The following SPATA6L variants were observed in gnomAD, a reference collection of about 807,000 sequenced individuals.
SPATA6L encodes the protein spermatogenesis associated 6 like, also known as spermatogenesis associated 6-like protein.
A neutral mutation model predicts 49.2 loss-of-function variants in SPATA6L; 68 were observed. The observed-to-expected ratio is 1.38, with a 90% CI of 1.14 to 1.69. The LOEUF is 1.69. Among genes scored for constraint, SPATA6L ranks in the 40% most tolerant of loss-of-function variants. SPATA6L has a pLI of 0.00. For synonymous variants in SPATA6L, 198 were observed against 165.7 expected, an observed-to-expected ratio of 1.19 and a Z score of -1.50; for missense variants, 668 against 464.3, an observed-to-expected ratio of 1.44 and a Z score of -4.03.
At position 4,635,407 on chromosome 9, in the gene SPATA6L, G is replaced by A; in HGVS notation, c.227-8C>T. Reference sequence around the variant, plus strand: ...AGGCCAACTCATCCCACACTAGAAAGAAAATAGAAAAAGCATAAATATCTG... The same window carrying A: ...AGGCCAACTCATCCCACACTAGAAAAAAAATAGAAAAAGCATAAATATCTG... On this transcript the variant is annotated splice_polypyrimidine_tract_variant and splice_region_variant and intron_variant, in intron 3 of 11. Transcript: ENST00000682582. 1.3e-6 allele frequency: 2 copies of A among 1,570,198 alleles called. No homozygotes were observed. Among genetic ancestry groups the A allele is most frequent in the Non-Finnish European group, 1.7e-6 (2 of 1,166,850 alleles).
In SPATA6L at chr9:4,662,342, C is replaced by G. The variant is rs757918538; in HGVS notation, c.40-306G>C. ...AGGGCCGGGAAGCCTCTGTTTGGTC[C>G]GGCCAGGTCCCGGGATCCGGGCCGC... On this transcript the variant is annotated intron_variant, in intron 1 of 11. Coordinates refer to ENST00000682582, the MANE Select transcript of SPATA6L (RefSeq NM_001353486.2). The surrounding 1 kb of genome is among the most constrained non-coding windows in gnomAD (Gnocchi z 4.9). 53 of 1,469,038 alleles carry G rather than the reference C, an allele frequency of 3.6e-5. No homozygotes were observed. Among genetic ancestry groups the G allele is most frequent in the Non-Finnish European group, 4.4e-5 (49 of 1,117,778 alleles). 91.0% of individuals were successfully genotyped at this position (1,469,038 alleles called of 1,614,324 possible). A position where few individuals can be genotyped will look rare whatever the true frequency, so the allele number is the denominator to read the frequency against.
chr9:4,661,040 G>A (rs1839575849), intron 2 of SPATA6L, among the ~76,000 whole-genome samples: 2 of 152,076 alleles, frequency 1.3e-5, no homozygotes, highest in Non-Finnish European at 2.9e-5. Flanking sequence ...GTGGGGTGGG[G>A]GGAATGAGTT....
At chr9:4,643,650 A>G (rs1490651706) in intron 3 of SPATA6L, among the ~76,000 whole-genome samples, 1 of 152,236 alleles carries the variant, frequency 6.6e-6, no homozygotes, top group Non-Finnish European at 1.5e-5. Context: ...CTATGGAAAT[A>G]CTATTTATAG....
At position 4,662,799 on chromosome 9, in the gene SPATA6L, C is replaced by T; in HGVS notation, c.40-763G>A. Reference sequence around the variant, plus strand: ...TATGAAGCTGCTGGAGATCTCGGGACACGGCATCCCCTGGCTGCTGGGCAC... The same window carrying T: ...TATGAAGCTGCTGGAGATCTCGGGATACGGCATCCCCTGGCTGCTGGGCAC... On this transcript the variant is annotated intron_variant, in intron 1 of 11. Transcript: ENST00000682582. The surrounding 1 kb of genome is among the most constrained non-coding windows in gnomAD (Gnocchi z 4.9). 2 of 1,605,234 alleles carry T rather than the reference C, an allele frequency of 1.2e-6. No homozygotes were observed. Among genetic ancestry groups the T allele is most frequent in the Non-Finnish European group, 1.7e-6 (2 of 1,179,940 alleles).
rs753870879 is a variant in SPATA6L at position 4,617,945 on chromosome 9, C to G, written c.973G>C (p.Asp325His). Reference sequence around the variant, plus strand: ...GACCTTTCTCTGAGAAGGGGCTGATCCAAGGGGCCAGGAGAGGTGGAATGC... The same window carrying G: ...GACCTTTCTCTGAGAAGGGGCTGATGCAAGGGGCCAGGAGAGGTGGAATGC... Reference protein sequence around the residue: ...YQHSTSPGPLDQPLLRERFHP... With the variant: ...YQHSTSPGPLHQPLLRERFHP... The change falls in exon 9 of 12, where the codon GAT becomes CAT. Residue 325 changes from aspartate (D) to histidine (H), a missense_variant. Coordinates refer to ENST00000682582, the MANE Select transcript of SPATA6L (RefSeq NM_001353486.2). 6.2e-7 allele frequency: 1 copy of G among 1,612,738 alleles called. No individual in the cohort carries two copies. The highest frequency in any genetic ancestry group is 1.7e-5 in the Admixed American group (1 of 59,900).
chr9:4,640,512 G>A (rs1833797474), intron 3 of SPATA6L, among the ~76,000 whole-genome samples: 1 of 152,038 alleles, frequency 6.6e-6, no homozygotes, highest in African/African-American at 2.4e-5. Context: ...ATTGGTCCCT[G>A]AGAACCCAAA....
intron 4 of SPATA6L, among the ~76,000 whole-genome samples, chr9:4,631,753 T>C (rs1403868462): frequency 1.3e-5 from 2 of 152,184 alleles, no homozygotes; most frequent in South Asian, 2.1e-4. Context: ...AGAAATCAGA[T>C]AGTGGGCTGA....
Position 4,662,241 on chromosome 9 carries a change from A to T in SPATA6L, c.40-205T>A. ...TCCAACTCCCTCCCACGTCTCCACC[A>T]GGTGTCACAATCGCGCTCTCGCCGG... On this transcript the variant is annotated intron_variant, in intron 1 of 11. Coordinates refer to ENST00000682582, the MANE Select transcript of SPATA6L (RefSeq NM_001353486.2). This position sits in a 1 kb window ranked among gnomAD's most constrained non-coding sequence, Gnocchi z 4.9. The T allele has an allele frequency of 7.7e-6, 11 of 1,434,082 alleles. No homozygotes were observed. The highest frequency in any genetic ancestry group is 1.0e-5 in the Non-Finnish European group (11 of 1,099,544). 88.8% of individuals were successfully genotyped at this position (1,434,082 alleles called of 1,614,324 possible).
At chr9:4,614,744 CTG>C (rs1491075859) in intron 9 of SPATA6L, among the ~76,000 whole-genome samples, 1 of 152,146 alleles carries the variant, frequency 6.6e-6, no homozygotes, top group East Asian at 1.9e-4. Context: ...CTTTCTGTGG[CTG>C]TGTTATTATT....
At chr9:4,648,466 G>A (rs966543224) in intron 3 of SPATA6L, among the ~76,000 whole-genome samples, 4 of 152,058 alleles carry the variant, frequency 2.6e-5, no homozygotes, top group African/African-American at 4.8e-5. Context: ...TTGGGAGGCC[G>A]AGGCGGGCGG....
chr9:4,596,042 A>C (rs147882702), downstream of SPATA6L, among the ~76,000 whole-genome samples: 69 of 152,300 alleles, frequency 4.5e-4, no homozygotes, highest in East Asian at 8.5e-3. Context: ...TTTCAAACTC[A>C]ACTGCTTCTG....
chr9:4,623,683 T>C (rs1286796629), intron 6 of SPATA6L, among the ~76,000 whole-genome samples: 1 of 152,202 alleles, frequency 6.6e-6, no homozygotes. Context: ...GGAAAAGCTG[T>C]ATAAGAATTT....
At chr9:4,657,770 G>C (rs900758306) in intron 2 of SPATA6L, among the ~76,000 whole-genome samples, 1 of 152,164 alleles carries the variant, frequency 6.6e-6, no homozygotes, top group African/African-American at 2.4e-5. Context: ...GGCAGTTTCT[G>C]ATAGGTAAAG....
At chr9:4,626,326 G>A in intron 5 of SPATA6L, 1 of 1,213,248 alleles carries the variant, frequency 8.2e-7, no homozygotes, top group Non-Finnish European at 1.1e-6. Context: ...GTTCAGATTT[G>A]AGTCTAGACC....
At chr9:4,595,585 T>A (rs114210914), downstream of SPATA6L, among the ~76,000 whole-genome samples, 1,159 of 152,310 alleles carry the variant, frequency 7.6e-3, 17 homozygotes, top group African/African-American at 0.027. Context: ...CTTCTCTATA[T>A]ACATATGCTT....
chr9:4,609,129 G>C (rs1664774922), intron 9 of SPATA6L, among the ~76,000 whole-genome samples: 1 of 151,440 alleles, frequency 6.6e-6, no homozygotes, highest in Non-Finnish European at 1.5e-5. Flanking sequence ...ACCAATAACA[G>C]GATCTGAAAT....
chr9:4,651,996 G>C (rs1164368013), intron 3 of SPATA6L, among the ~76,000 whole-genome samples: 1 of 152,092 alleles, frequency 6.6e-6, no homozygotes, highest in African/African-American at 2.4e-5. Context: ...AACTATAAAA[G>C]AAGAAGTAAA....
At position 4,625,351 on chromosome 9, in the gene SPATA6L, G is replaced by T. The variant is rs745651012; in HGVS notation, c.645C>A (p.Ser215Arg). The change falls in exon 6 of 12, where the codon AGC becomes AGA. Residue 215 changes from serine to arginine, a missense_variant. Ser to Arg is a moderately radical substitution (Grantham distance 110, BLOSUM62 -1). Transcript: ENST00000682582. ...LGNNFKISGG[S>R]KPPFVVRHVD... is the part of the protein sequence containing the mutation. ...CGTGTCTAACAACAAATGGAGGCTT[G>T]CTTCCTCCAGAGATTTTGAAATTAT... The T allele has an allele frequency of 1.2e-6, 2 of 1,613,584 alleles. No homozygotes were observed. Among genetic ancestry groups the T allele is most frequent in the South Asian group, 1.1e-5 (1 of 90,980 alleles).
chr9:4,642,071 A>G (rs1425008902), intron 3 of SPATA6L, among the ~76,000 whole-genome samples: 1 of 152,224 alleles, frequency 6.6e-6, no homozygotes, highest in Non-Finnish European at 1.5e-5. Context: ...CCTGGCCCAC[A>G]TCAAATTGTT....
Sources: gnomAD v4.1 joint callset for allele counts (sites outside exome capture counted in the v4.1 genomes callset) on GRCh38, gnomAD v4.1.1 for gene constraint, Gnocchi (gnomAD v3.1) non-coding constraint, MANE v1.5 for transcripts, NCBI Gene and HGNC (gene_info 2026-07-23, HGNC 2026-07-21) for gene names.